Variants in EXT2 observed in about 807,000 individuals in gnomAD.
The protein encoded by EXT2 is exostosin-2.
EXT2 carries 53 observed loss-of-function variants against 81.6 expected under a neutral mutation model. The ratio of observed to expected loss-of-function variants is 0.65; its 90% CI spans 0.52 to 0.82. The LOEUF is 0.82. Ranked by LOEUF, EXT2 falls within the 40% of genes least tolerant of loss-of-function variation. The probability of loss-of-function intolerance (pLI) is 0.00; values close to 1 mark genes in which losing one functional copy is unlikely to be tolerated. For synonymous variants in EXT2, 320 were observed against 340.0 expected (o/e 0.94, Z 0.65); for missense variants, 774 against 910.2 (o/e 0.85, Z 1.93).
intron 6 of EXT2, among the ~76,000 whole-genome samples, chr11:44,128,840 T>C (rs933303521): frequency 3.3e-5 from 5 of 152,200 alleles, no homozygotes; most frequent in Non-Finnish European, 7.3e-5. Flanking sequence ...GTGGAAATCA[T>C]TTACTTACTT....
intron 7 of EXT2, among the ~76,000 whole-genome samples, chr11:44,150,933 C>T (rs1319156686): frequency 6.6e-6 from 1 of 152,154 alleles, no homozygotes; most frequent in African/African-American, 2.4e-5. Flanking sequence ...GGAAGATAAG[C>T]TTTTCCCCCG....
intron 1 of EXT2, among the ~76,000 whole-genome samples, chr11:44,098,551 C>T (rs1052496339): frequency 4.0e-5 from 6 of 151,710 alleles, no homozygotes; most frequent in Admixed American, 3.9e-4. Flanking sequence ...AAAAATTAGC[C>T]GGGGATGGTG....
chr11:44,105,176 G>A (rs973384157), intron 1 of EXT2, among the ~76,000 whole-genome samples: 3 of 152,180 alleles, frequency 2.0e-5, no homozygotes, highest in African/African-American at 7.2e-5. Context: ...TTTATCCGAA[G>A]CAAAAATGGT....
chr11:44,143,914 G>A (rs1954680218), intron 7 of EXT2, among the ~76,000 whole-genome samples: 1 of 152,270 alleles, frequency 6.6e-6, no homozygotes, highest in African/African-American at 2.4e-5. Context: ...AGTAGAGAAC[G>A]TCACGCTAAC....
chr11:44,113,634 T>C (rs1327407952), intron 3 of EXT2, among the ~76,000 whole-genome samples: 1 of 152,196 alleles, frequency 6.6e-6, no homozygotes, highest in African/African-American at 2.4e-5. Flanking sequence ...GGAGGCTACA[T>C]GATTGACATG....
intron 8 of EXT2, among the ~76,000 whole-genome samples, chr11:44,184,708 G>A (rs924375489): frequency 5.5e-4 from 83 of 152,268 alleles, no homozygotes; most frequent in African/African-American, 1.9e-3. Flanking sequence ...CCGAGATGGT[G>A]CCACTGCACT....
intron 9 of EXT2, among the ~76,000 whole-genome samples, chr11:44,199,538 G>A (rs1396820799): frequency 6.6e-6 from 1 of 152,276 alleles, no homozygotes; most frequent in East Asian, 1.9e-4. Flanking sequence ...CCAGCTTTCA[G>A]AGAGACTCTC....
In EXT2 at chr11:44,095,679, G is replaced by A. The variant is rs1953882896; in HGVS notation, c.-204G>A. ...CGCATGCGCAGTGCGCTCGGTGTCA[G>A]ACGGCCCGGATCCCGGTTACCGGCC... On this transcript the variant is annotated 5_prime_UTR_variant, in exon 1 of 14. Transcript: ENST00000533608. The A allele has an allele frequency of 6.5e-6, 1 of 152,924 alleles. No homozygotes were observed. The highest frequency in any genetic ancestry group is 2.1e-4 in the South Asian group (1 of 4,848). The allele number at this position is 152,924 out of a possible 1,614,324, so 9.5% of individuals were successfully genotyped here. A position where few individuals can be genotyped will look rare whatever the true frequency, so the allele number is the denominator to read the frequency against.
intron 7 of EXT2, among the ~76,000 whole-genome samples, chr11:44,152,500 A>G (rs1294030253): frequency 1.3e-5 from 2 of 152,004 alleles, no homozygotes; most frequent in Non-Finnish European, 2.9e-5. Context: ...ACAGGTGCAC[A>G]CCACCACACC....
chr11:44,152,405 C>T (rs1410455388), intron 7 of EXT2, among the ~76,000 whole-genome samples: 3 of 152,068 alleles, frequency 2.0e-5, no homozygotes, highest in African/African-American at 7.2e-5. Flanking sequence ...GGCTGGAGTG[C>T]AGTGGTGTGT....
intron 7 of EXT2, among the ~76,000 whole-genome samples, chr11:44,148,302 A>G (rs961828108): frequency 6.6e-6 from 1 of 152,220 alleles, no homozygotes; most frequent in Non-Finnish European, 1.5e-5. Flanking sequence ...CAAGATGGAC[A>G]CATAACAGTC....
At chr11:44,120,802 C>G (rs1954304807) in intron 4 of EXT2, among the ~76,000 whole-genome samples, 1 of 152,168 alleles carries the variant, frequency 6.6e-6, no homozygotes, top group Non-Finnish European at 1.5e-5. Context: ...AGCTGGAATT[C>G]TTGTCATTTT....
intron 7 of EXT2, among the ~76,000 whole-genome samples, chr11:44,160,178 T>C (rs1954910156): frequency 6.6e-6 from 1 of 152,224 alleles, no homozygotes; most frequent in African/African-American, 2.4e-5. Flanking sequence ...TGGGTTTCCC[T>C]GGAGTTTTTA....
intron 10 of EXT2, among the ~76,000 whole-genome samples, chr11:44,231,154 G>C: frequency 6.6e-6 from 1 of 152,178 alleles, no homozygotes; most frequent in East Asian, 1.9e-4. Context: ...AGACAAGTTA[G>C]AAGGCTAGCA....
At chr11:44,233,797 T>C (rs1218202173) in intron 11 of EXT2, among the ~76,000 whole-genome samples, 26 of 152,220 alleles carry the variant, frequency 1.7e-4, no homozygotes, top group Admixed American at 1.7e-3. Flanking sequence ...GGATTTACAG[T>C]AGTAGACTAT....
chr11:44,182,973 A>C (rs2863053), intron 8 of EXT2, among the ~76,000 whole-genome samples: 139,311 of 152,270 alleles, frequency 0.91, 63,822 homozygotes, highest in East Asian at 0.99. Context: ...GAGCACATGT[A>C]TTTCTGTAAG....
At chr11:44,165,361 T>G (rs7941646) in intron 7 of EXT2, among the ~76,000 whole-genome samples, 1 of 152,212 alleles carries the variant, frequency 6.6e-6, no homozygotes, top group African/African-American at 2.4e-5. Context: ...GGGCTATAAA[T>G]TATAATACCT....
At chr11:44,142,985 T>C (rs1206384916) in intron 7 of EXT2, among the ~76,000 whole-genome samples, 1 of 152,250 alleles carries the variant, frequency 6.6e-6, no homozygotes, top group Non-Finnish European at 1.5e-5. Flanking sequence ...AGAGTCTTAC[T>C]CTGTCGCCTA....
chr11:44,198,770 A>C (rs1427513589), intron 9 of EXT2, among the ~76,000 whole-genome samples: 1 of 152,204 alleles, frequency 6.6e-6, no homozygotes, highest in Non-Finnish European at 1.5e-5. Context: ...AGTAATGTGC[A>C]CCACTGTCAC....
Sources: gnomAD v4.1 joint callset for allele counts (sites outside exome capture counted in the v4.1 genomes callset) on GRCh38, gnomAD v4.1.1 for gene constraint, MANE v1.5 for transcripts, NCBI Gene and HGNC (gene_info 2026-07-23, HGNC 2026-07-21) for gene names.